The following CRYBG2 variants were observed in gnomAD, a reference collection of about 807,000 sequenced individuals.
The protein encoded by CRYBG2 is beta/gamma crystallin domain-containing protein 2.
Under a neutral mutation model 153.4 loss-of-function variants are expected in CRYBG2, and 106 were observed. The observed-to-expected ratio is 0.69, with a 90% CI of 0.59 to 0.81. CRYBG2 has a LOEUF of 0.81. Ranked by LOEUF, CRYBG2 falls within the 30% of genes least tolerant of loss-of-function variation. The pLI is 0.00. For synonymous variants in CRYBG2, 851 were observed against 877.8 expected (o/e 0.97, Z 0.54); for missense variants, 1,996 against 2,112.0 (o/e 0.95, Z 1.08).
In CRYBG2 at chr1:26,346,981, A is replaced by G. The variant is rs765752534; in HGVS notation, c.-55-269T>C. Among the ~76,000 whole-genome samples the G allele has an allele frequency of 1.4e-4, 22 of 152,194 alleles. No individual in the cohort carries two copies. Among genetic ancestry groups the G allele is most frequent in the Non-Finnish European group, 2.2e-4 (15 of 68,030 alleles). ...GGTGAAGCTGAGGCCTGAGCCCAGA[A>G]GGAGAGAAAAGGAAGAAGGCAGAAG... is the stretch of plus-strand genomic sequence containing the variant. On this transcript the variant is annotated intron_variant, in intron 1 of 19. Transcript: ENST00000308182. This position sits in a 1 kb window ranked among gnomAD's most constrained non-coding sequence, Gnocchi z 4.9.
chr1:26,345,696 G>T lies in CRYBG2; in HGVS notation c.962C>A (p.Pro321Gln). Residue 321 changes from proline (P) to glutamine (Q), a missense_variant, in exon 2 of 20, where the codon CCG (proline) becomes CAG (glutamine). Coordinates refer to ENST00000308182, the MANE Select transcript of CRYBG2 (RefSeq NM_001039775.4). ...ACPDRDQGRA[P>Q]DARACELWQV... ...CCAGAGCTCACAGGCCCTGGCATCC[G>T]GGGCTCTGCCCTGGTCTCTGTCCGG... 1 of 1,598,008 alleles carries T rather than the reference G, an allele frequency of 6.3e-7. No individual in the cohort carries two copies. The highest frequency in any genetic ancestry group is 8.5e-7 in the Non-Finnish European group (1 of 1,179,450).
chr1:26,336,746 G>A lies in CRYBG2; in HGVS notation c.3912-14C>T. 2 of 1,581,218 alleles carry A rather than the reference G, an allele frequency of 1.3e-6. No individual in the cohort carries two copies. The highest frequency in any genetic ancestry group is 2.3e-5 in the East Asian group (1 of 43,138). ...TAGGCCACCCACCTGCAGGAAGGGC[G>A]GGGCGCGAGTCAGCTGGGACGGAGC... On this transcript the variant is annotated splice_polypyrimidine_tract_variant and intron_variant, in intron 11 of 19. Transcript: ENST00000308182. The surrounding 1 kb of genome is among the most constrained non-coding windows in gnomAD (Gnocchi z 4.9).
rs2074112923 is a variant in CRYBG2 at position 26,340,119 on chromosome 1, A to G, written c.3205-690T>C. On this transcript the variant is annotated intron_variant, in intron 5 of 19. Transcript: ENST00000308182. ...TTAGGTACGGTTCCTGCCTCTGTCC[A>G]GACTGGCTTTGCCTGCACGTCATCC... Among the ~76,000 whole-genome samples the G allele has an allele frequency of 2.0e-5, 3 of 152,352 alleles. No homozygotes were observed. In the South Asian group the frequency reaches 6.2e-4, roughly 32 times the overall value.
intron 1 of CRYBG2, among the ~76,000 whole-genome samples, chr1:26,351,250 C>A (rs1366398526): frequency 6.6e-6 from 1 of 152,176 alleles, no homozygotes; most frequent in Non-Finnish European, 1.5e-5. Context: ...CCCCTGCCCT[C>A]CTCGCTGGGA....
At position 26,345,696 on chromosome 1, in the gene CRYBG2, G is replaced by A. The variant is rs61996278; in HGVS notation, c.962C>T (p.Pro321Leu). Reference protein sequence around the residue: ...ACPDRDQGRAPDARACELWQV... With the variant: ...ACPDRDQGRALDARACELWQV... Reference sequence around the variant, plus strand: ...CCAGAGCTCACAGGCCCTGGCATCCGGGGCTCTGCCCTGGTCTCTGTCCGG... The same window carrying A: ...CCAGAGCTCACAGGCCCTGGCATCCAGGGCTCTGCCCTGGTCTCTGTCCGG... Residue 321 changes from proline (P) to leucine (L), a missense_variant, in exon 2 of 20, where the codon CCG becomes CTG. By Grantham distance (98) the Pro-to-Leu change is moderately conservative. Transcript: ENST00000308182. 2.6e-3 allele frequency: 4,170 copies of A among 1,598,006 alleles called. 90 individuals carry two copies. In the African/African-American group the frequency reaches 0.041, roughly 16 times the overall value.
chr1:26,344,896 C>T lies in CRYBG2; in HGVS notation c.1762G>A (p.Ala588Thr). 6.5e-7 allele frequency: 1 copy of T among 1,536,074 alleles called. No homozygotes were observed. The highest frequency in any genetic ancestry group is 8.7e-7 in the Non-Finnish European group (1 of 1,147,610). Residue 588 changes from alanine to threonine, a missense_variant, in exon 2 of 20, where the codon GCT becomes ACT. Transcript: ENST00000308182. The part of the protein sequence containing the change: ...TPKEVVKGPG[A>T]PAASSPTQKE... ...TGGGTGGGCGATGAGGCAGCAGGAG[C>T]ACCAGGGCCCTTCACAACCTCTTTT... is the stretch of plus-strand genomic sequence containing the variant.
rs373673197 is a variant in CRYBG2, at chr1:26,346,483, G to A, written c.175C>T (p.Arg59Cys). Reference sequence around the variant, plus strand: ...CCATTGACTTCCACTTCCTCTCGACGGCTGAACTCAAACATCTCCTTCTGC... The same window carrying A: ...CCATTGACTTCCACTTCCTCTCGACAGCTGAACTCAAACATCTCCTTCTGC... Reference protein sequence around the residue: ...APQKEMFEFSRREEVEVNGFA... With the variant: ...APQKEMFEFSCREEVEVNGFA... Residue 59 changes from arginine to cysteine, a missense_variant, in exon 2 of 20, where the codon CGT becomes TGT. Transcript: ENST00000308182. This position sits in a 1 kb window ranked among gnomAD's most constrained non-coding sequence, Gnocchi z 4.9. The A allele has an allele frequency of 2.5e-5, 40 of 1,611,160 alleles. No individual in the cohort carries two copies. The highest frequency in any genetic ancestry group is 4.4e-5 in the South Asian group (4 of 91,056).
At chr1:26,324,491 ATCTC>A (rs398049161) in intron 17 of CRYBG2, among the ~76,000 whole-genome samples, 181 bp from the exon 18 acceptor site, 2 of 135,504 alleles carry the variant, frequency 1.5e-5, no homozygotes, top group South Asian at 2.3e-4. Context: ...GAGCACATGT[ATCTC>A]TCTCTCTCTC....
At chr1:26,349,468 C>T (rs1433809041) in intron 1 of CRYBG2, among the ~76,000 whole-genome samples, 2 of 152,170 alleles carry the variant, frequency 1.3e-5, no homozygotes, top group African/African-American at 4.8e-5. Context: ...CTCAGCAGAG[C>T]ATGTCTCACC....
chr1:26,354,026 A>T lies in CRYBG2; in HGVS notation c.-56+10T>A, dbSNP rs2074311744. 1 of 399,510 alleles carries T rather than the reference A, an allele frequency of 2.5e-6. No homozygotes were observed. The highest frequency in any genetic ancestry group is 1.3e-4 in the South Asian group (1 of 7,872). 24.7% of individuals were successfully genotyped at this position (399,510 alleles called of 1,614,324 possible). On this transcript the variant is annotated intron_variant, in intron 1 of 19. Transcript: ENST00000308182. ...CCAGTCTCCCCTCCCATCTCCACAC[A>T]CAGACCGACCTCTACTCACAGTCTG...
Position 26,336,298 on chromosome 1 carries a change from G to T in CRYBG2, c.4071+40C>A, listed in dbSNP as rs891680837. 1 of 1,611,704 alleles carries T rather than the reference G, an allele frequency of 6.2e-7. No individual in the cohort carries two copies. The highest frequency in any genetic ancestry group is 8.5e-7 in the Non-Finnish European group (1 of 1,178,782). ...GGGAAAGGTCCGAAATGAGGGGAGA[G>T]ACGTGAGCCCAGCGGCTCCCTGCGG... On this transcript the variant is annotated intron_variant, in intron 13 of 19. Coordinates refer to ENST00000308182, the MANE Select transcript of CRYBG2 (RefSeq NM_001039775.4). This position sits in a 1 kb window ranked among gnomAD's most constrained non-coding sequence, Gnocchi z 4.9.
In CRYBG2 at chr1:26,349,115, G is replaced by A. The variant is rs377349746; in HGVS notation, c.-55-2403C>T. 1.7e-3 allele frequency among the ~76,000 whole-genome samples: 257 copies of A among 152,100 alleles called. 8 individuals are homozygous for A. In the South Asian group the frequency reaches 0.05, roughly 30 times the overall value. On this transcript the variant is annotated intron_variant, in intron 1 of 19. Transcript: ENST00000308182. ...ACCTGGGGGGCGGAGGTTGCAGTGA[G>A]CTGAGATCACGCCTCTGCACTCCAG...
chr1:26,343,051 C>T lies in CRYBG2; in HGVS notation c.3070G>A (p.Gly1024Ser). Residue 1024 changes from glycine (G) to serine (S), a missense_variant, in exon 4 of 20, where the codon GGC (glycine) becomes AGC (serine). Coordinates refer to ENST00000308182, the MANE Select transcript of CRYBG2 (RefSeq NM_001039775.4). The surrounding 1 kb of genome is among the most constrained non-coding windows in gnomAD (Gnocchi z 4.1). ...TGCTGGGCACTCCCCACTCACCAGC[C>T]TCGAACTACCCTTATGGAGGCTACG... ...APVASIRVVRGCWVLYEEPEF... is the reference protein window; with the variant it reads ...APVASIRVVRSCWVLYEEPEF... 2.6e-6 allele frequency: 4 copies of T among 1,548,110 alleles called. No homozygotes were observed. Among genetic ancestry groups the T allele is most frequent in the Non-Finnish European group, 3.5e-6 (4 of 1,145,120 alleles).
rs776969836 is a variant in CRYBG2, at chr1:26,346,577, G to T, written c.81C>A (p.Pro27=). 2 of 1,602,116 alleles carry T rather than the reference G, an allele frequency of 1.2e-6. No homozygotes were observed. The highest frequency in any genetic ancestry group is 2.3e-5 in the East Asian group (1 of 44,370). Residue 27 remains proline, a synonymous_variant, in exon 2 of 20, where the codon CCC becomes CCA. Transcript: ENST00000308182. The surrounding 1 kb of genome is among the most constrained non-coding windows in gnomAD (Gnocchi z 4.9). ...SATLTWRQRP[P]TQEEIKHGFH... Reference sequence around the variant, plus strand: ...AACCATGTTTGATCTCTTCCTGGGTGGGGGGCCGCTGCCGCCATGTCAATG... The same window carrying T: ...AACCATGTTTGATCTCTTCCTGGGTTGGGGGCCGCTGCCGCCATGTCAATG...
rs745826501 is a variant in CRYBG2 at position 26,328,887 on chromosome 1, G to A, written c.4315-14C>T. The A allele has an allele frequency of 5.6e-6, 9 of 1,613,648 alleles. No homozygotes were observed. The Admixed American group carries it at 1.3e-4, about 24-fold the overall frequency. ...CTCTGAAAAGTGCTGGGGCCCAGGA[G>A]ACAGAAGAGGGTGAGGCTCTGAGAG... On this transcript the variant is annotated splice_polypyrimidine_tract_variant and intron_variant, in intron 15 of 19. Transcript: ENST00000308182.
At chr1:26,333,175 C>A (rs910967662) in intron 14 of CRYBG2, among the ~76,000 whole-genome samples, 2 of 152,026 alleles carry the variant, frequency 1.3e-5, no homozygotes, top group Non-Finnish European at 2.9e-5. Context: ...CCATAACCCT[C>A]AATGTAATGT....
chr1:26,329,000 TGCAGGG>T, intron 15 of CRYBG2, 127 bp from the exon 16 acceptor site: 1 of 1,175,750 alleles, frequency 8.5e-7, no homozygotes. Context: ...AGCTCAGTTC[TGCAGGG>T]CCACTGATTC....
intron 15 of CRYBG2, among the ~76,000 whole-genome samples, chr1:26,329,491 T>C (rs1440119064): frequency 6.6e-6 from 1 of 151,496 alleles, no homozygotes; most frequent in African/African-American, 2.4e-5. Context: ...TTTTTTTTTT[T>C]TTTTTTGAGA....
At chr1:26,351,127 C>T (rs1038283006) in intron 1 of CRYBG2, among the ~76,000 whole-genome samples, 2 of 152,146 alleles carry the variant, frequency 1.3e-5, no homozygotes, top group African/African-American at 4.8e-5. Context: ...CAGGCCAGGG[C>T]TTCCTGAGAG....
Sources: allele counts gnomAD v4.1 joint callset (sites outside exome capture counted in the v4.1 genomes callset), GRCh38; gene constraint gnomAD v4.1.1; non-coding constraint Gnocchi (gnomAD v3.1); transcripts MANE v1.5; gene names NCBI Gene and HGNC (gene_info 2026-07-23, HGNC 2026-07-21).